Variants in DPP10 observed in about 807,000 individuals in gnomAD.
DPP10 encodes the protein inactive dipeptidyl peptidase 10.
DPP10 carries 33 observed loss-of-function variants against 120.9 expected under a neutral mutation model. The ratio of observed to expected loss-of-function variants is 0.27; its 90% confidence interval spans 0.21 to 0.37. The LOEUF (loss-of-function observed/expected upper bound fraction) is 0.37. Among genes scored for constraint, DPP10 ranks in the 10% least tolerant of loss-of-function variants. The probability of loss-of-function intolerance (pLI) is 1.00; values close to 1 mark genes in which losing one functional copy is unlikely to be tolerated. For synonymous variants in DPP10, 337 were observed against 326.1 expected, an observed-to-expected ratio of 1.03 and a Z score of -0.36; for missense variants, 816 against 942.8, an observed-to-expected ratio of 0.87 and a Z score of 1.76.
At chr2:115,826,436 C>A (rs906110716) in intron 21 of DPP10, among the ~76,000 whole-genome samples, 5 of 151,944 alleles carry the variant, frequency 3.3e-5, no homozygotes, top group African/African-American at 1.2e-4. Flanking sequence ...TAAGAAATGA[C>A]CTTGGCCGGG....
At chr2:114,622,805 A>G (rs1455445760) in intron 1 of DPP10, among the ~76,000 whole-genome samples, 1 of 152,158 alleles carries the variant, frequency 6.6e-6, no homozygotes, top group East Asian at 1.9e-4. Context: ...ATCATCAGAG[A>G]AAAAGCAAAT....
At chr2:114,468,925 T>C (rs1231630229) in intron 1 of DPP10, among the ~76,000 whole-genome samples, 1 of 152,106 alleles carries the variant, frequency 6.6e-6, no homozygotes, top group Non-Finnish European at 1.5e-5. Flanking sequence ...TAGTGTTCTC[T>C]TTAGAACAAG....
At chr2:115,502,937 A>C (rs1031168544) in intron 4 of DPP10, among the ~76,000 whole-genome samples, 3 of 151,866 alleles carry the variant, frequency 2.0e-5, no homozygotes, top group Non-Finnish European at 4.4e-5. Flanking sequence ...CTATATCCTC[A>C]AGTGATCCTC....
chr2:114,647,099 A>G (rs977436245), intron 1 of DPP10, among the ~76,000 whole-genome samples: 2 of 152,194 alleles, frequency 1.3e-5, no homozygotes, highest in Non-Finnish European at 2.9e-5. Flanking sequence ...CCTCCTATGT[A>G]TATTCAACAG....
intron 3 of DPP10, among the ~76,000 whole-genome samples, chr2:115,467,733 AT>A (rs1480133593): frequency 6.6e-6 from 1 of 152,232 alleles, no homozygotes; most frequent in African/African-American, 2.4e-5. Context: ...TATTATTAGA[AT>A]AATGACACTT....
intron 1 of DPP10, among the ~76,000 whole-genome samples, chr2:114,647,084 C>T (rs1340631546): frequency 2.0e-5 from 3 of 152,196 alleles, no homozygotes; most frequent in Admixed American, 6.5e-5. Flanking sequence ...TAGCCGTGGT[C>T]GTTGCCTCCT....
chr2:115,242,208 G>A (rs1047950906), intron 1 of DPP10, among the ~76,000 whole-genome samples: 1 of 152,024 alleles, frequency 6.6e-6, no homozygotes. Flanking sequence ...TTATGTCTTT[G>A]CATCCTCATA....
At chr2:115,177,291 G>A (rs367809011) in intron 1 of DPP10, among the ~76,000 whole-genome samples, 4 of 152,124 alleles carry the variant, frequency 2.6e-5, no homozygotes, top group Non-Finnish European at 5.9e-5. Context: ...GAACTTGAAC[G>A]ACAAATTGGC....
intron 3 of DPP10, among the ~76,000 whole-genome samples, chr2:115,365,750 A>C (rs149162401): frequency 6.6e-6 from 1 of 152,110 alleles, no homozygotes; most frequent in African/African-American, 2.4e-5. Flanking sequence ...AAACATTTTA[A>C]TGTTCAATTA....
intron 5 of DPP10, among the ~76,000 whole-genome samples, chr2:115,573,276 A>ATTTT (rs34420249): frequency 5.8e-5 from 5 of 86,526 alleles, no homozygotes; most frequent in African/African-American, 1.8e-4. Context: ...GCTTCCTGGG[A>ATTTT]TTTTTTTTTT....
intron 1 of DPP10, among the ~76,000 whole-genome samples, chr2:114,937,809 G>A (rs751808428): frequency 6.6e-6 from 1 of 152,114 alleles, no homozygotes. Context: ...GGAGACCTCT[G>A]CCATATTTTC....
intron 1 of DPP10, among the ~76,000 whole-genome samples, chr2:114,959,601 C>T (rs1698462247): frequency 6.6e-6 from 1 of 152,096 alleles, no homozygotes; most frequent in African/African-American, 2.4e-5. Flanking sequence ...GGAGTGGAAT[C>T]ACTGGGTTTA....
intron 2 of DPP10, among the ~76,000 whole-genome samples, chr2:115,319,634 T>G (rs2061963979): frequency 6.6e-6 from 1 of 152,230 alleles, no homozygotes; most frequent in African/African-American, 2.4e-5. Context: ...TTCTAGAAAC[T>G]TGTTTACATC....
chr2:115,464,623 G>C (rs953358817), intron 3 of DPP10, among the ~76,000 whole-genome samples: 1 of 152,074 alleles, frequency 6.6e-6, no homozygotes, highest in Non-Finnish European at 1.5e-5. Flanking sequence ...TGCCCATATA[G>C]GTGGCTCAAT....
At chr2:114,883,319 C>A (rs530446217) in intron 1 of DPP10, among the ~76,000 whole-genome samples, 1 of 152,220 alleles carries the variant, frequency 6.6e-6, no homozygotes, top group Non-Finnish European at 1.5e-5. Flanking sequence ...CACATGGCAC[C>A]CAGAGAACAC....
At chr2:115,511,628 T>C (rs1229027782) in intron 4 of DPP10, among the ~76,000 whole-genome samples, 1 of 151,766 alleles carries the variant, frequency 6.6e-6, no homozygotes, top group East Asian at 1.9e-4. Context: ...CCTTGTTTTT[T>C]TCCTGACTTC....
At chr2:114,904,166 A>C (rs1213655016) in intron 1 of DPP10, among the ~76,000 whole-genome samples, 1 of 152,244 alleles carries the variant, frequency 6.6e-6, no homozygotes, top group East Asian at 1.9e-4. Flanking sequence ...GACATTAGAA[A>C]GAAAAGAGGA....
intron 1 of DPP10, among the ~76,000 whole-genome samples, chr2:115,107,946 A>G (rs957486348): frequency 1.3e-5 from 2 of 152,158 alleles, no homozygotes; most frequent in Non-Finnish European, 2.9e-5. Flanking sequence ...AAATTCATGA[A>G]TTTATACATA....
Position 114,809,949 on chromosome 2 carries a change from C to G in DPP10, c.60+367111C>G, listed in dbSNP as rs190714770. ...TCCCCTTAGACCCCAAAGGCCTATACTCAAAACTCCAATTGTATATCCAGC... is the reference window on the plus strand; with the variant it reads ...TCCCCTTAGACCCCAAAGGCCTATAGTCAAAACTCCAATTGTATATCCAGC... On this transcript the variant is annotated intron_variant, in intron 1 of 25. Transcript: ENST00000410059. Among the ~76,000 whole-genome samples the G allele has an allele frequency of 1.8e-3, 270 of 152,274 alleles. 3 individuals carry two copies. Among genetic ancestry groups the G allele is most frequent in the African/African-American group, 6.2e-3 (258 of 41,562 alleles).
Sources: gnomAD v4.1 joint callset for allele counts (sites outside exome capture counted in the v4.1 genomes callset) on GRCh38, gnomAD v4.1.1 for gene constraint, MANE v1.5 for transcripts, NCBI Gene and HGNC (gene_info 2026-07-23, HGNC 2026-07-21) for gene names.